Variants in AGBL4 observed in about 807,000 individuals in gnomAD.
AGBL4 encodes the protein cytosolic carboxypeptidase 6.
A neutral mutation model predicts 66.4 loss-of-function variants in AGBL4; 58 were observed. The ratio of observed to expected loss-of-function variants is 0.87; its 90% CI spans 0.71 to 1.09. The LOEUF is 1.09. AGBL4 is among the 50% of genes least tolerant of loss of function. The pLI, the probability that AGBL4 is intolerant of heterozygous loss-of-function variation, is 0.00. For missense variants in AGBL4, 579 were observed against 631.0 expected (o/e 0.92, Z 0.88); for synonymous variants, 234 against 222.9 (o/e 1.05, Z -0.44).
chr1:49,245,357 T>C (rs1304788450), intron 4 of AGBL4, among the ~76,000 whole-genome samples: 1 of 150,150 alleles, frequency 6.7e-6, no homozygotes, highest in Admixed American at 6.7e-5. Flanking sequence ...AATGTCCTCC[T>C]AAGTTACTAA....
chr1:48,592,776 G>A (rs1195970807), intron 9 of AGBL4, among the ~76,000 whole-genome samples: 1 of 152,062 alleles, frequency 6.6e-6, no homozygotes, highest in Non-Finnish European at 1.5e-5. Flanking sequence ...GCTCTGAGTG[G>A]GGAGGTTGCT....
intron 3 of AGBL4, among the ~76,000 whole-genome samples, chr1:49,438,036 G>A (rs1179376136): frequency 1.3e-5 from 2 of 152,062 alleles, no homozygotes; most frequent in African/African-American, 4.8e-5. Flanking sequence ...AAGGCTAAAC[G>A]ACTTGTCCCA....
intron 5 of AGBL4, among the ~76,000 whole-genome samples, chr1:48,938,124 T>C (rs1655633856): frequency 6.6e-6 from 1 of 152,240 alleles, no homozygotes; most frequent in Non-Finnish European, 1.5e-5. Context: ...AGTATTGCTT[T>C]CCCTTCTCTG....
chr1:48,933,111 T>A (rs1266973003), intron 5 of AGBL4, among the ~76,000 whole-genome samples: 1 of 152,204 alleles, frequency 6.6e-6, no homozygotes, highest in Non-Finnish European at 1.5e-5. Flanking sequence ...GACTCAGTTC[T>A]CCTTTCTATA....
chr1:49,708,601 G>A (rs576097225), intron 2 of AGBL4, among the ~76,000 whole-genome samples: 25 of 152,108 alleles, frequency 1.6e-4, no homozygotes, highest in Middle Eastern at 3.4e-3. Context: ...CCTTGCTGGC[G>A]AGGAGTTGTG....
chr1:48,851,721 G>T (rs1247418908), intron 6 of AGBL4, among the ~76,000 whole-genome samples: 1 of 152,138 alleles, frequency 6.6e-6, no homozygotes, highest in East Asian at 1.9e-4. Context: ...AGCCATCAAA[G>T]AACGGACTTC....
chr1:49,265,849 G>A (rs1643908027), intron 3 of AGBL4, among the ~76,000 whole-genome samples: 1 of 152,020 alleles, frequency 6.6e-6, no homozygotes, highest in Non-Finnish European at 1.5e-5. Context: ...AGACACATAT[G>A]TATACATATA....
intron 6 of AGBL4, among the ~76,000 whole-genome samples, chr1:48,839,061 A>T (rs1646743295): frequency 6.6e-6 from 1 of 152,174 alleles, no homozygotes. Flanking sequence ...AAGGGGAATG[A>T]TCATACACTG....
chr1:48,978,543 C>G (rs1659515094), intron 5 of AGBL4, among the ~76,000 whole-genome samples: 1 of 152,136 alleles, frequency 6.6e-6, no homozygotes. Flanking sequence ...GAATCCAATG[C>G]TGCAGAGTCC....
intron 2 of AGBL4, among the ~76,000 whole-genome samples, chr1:49,770,693 C>G (rs1350207366): frequency 6.6e-6 from 1 of 152,024 alleles, no homozygotes; most frequent in African/African-American, 2.4e-5. Context: ...AATTTACTCA[C>G]TTATTGTTCT....
At chr1:49,760,117 C>T (rs1194912554) in intron 2 of AGBL4, among the ~76,000 whole-genome samples, 2 of 124,642 alleles carry the variant, frequency 1.6e-5, no homozygotes, top group East Asian at 2.1e-4. Context: ...GAAAATTGTT[C>T]GTATCCTTTG....
At chr1:48,837,793 TAGAG>T (rs1646719305) in intron 6 of AGBL4, among the ~76,000 whole-genome samples, 3 of 114,488 alleles carry the variant, frequency 2.6e-5, no homozygotes, top group Admixed American at 1.8e-4. Flanking sequence ...GTGAGTGTGA[TAGAG>T]AGAGTGGTAT....
chr1:49,031,118 C>T (rs1664189602), intron 5 of AGBL4, among the ~76,000 whole-genome samples: 1 of 151,900 alleles, frequency 6.6e-6, no homozygotes, highest in African/African-American at 2.4e-5. Flanking sequence ...GAAACAGTTT[C>T]ACTTTGTCAC....
intron 3 of AGBL4, among the ~76,000 whole-genome samples, chr1:49,324,481 G>A (rs1042574797): frequency 6.6e-6 from 1 of 152,180 alleles, no homozygotes; most frequent in African/African-American, 2.4e-5. Flanking sequence ...AATATCAGAG[G>A]GAGAAAGATG....
At chr1:48,612,939 G>A (rs1645261518) in intron 9 of AGBL4, among the ~76,000 whole-genome samples, 1 of 152,164 alleles carries the variant, frequency 6.6e-6, no homozygotes, top group Non-Finnish European at 1.5e-5. Flanking sequence ...TTCAAGACCA[G>A]CCTGACCAAC....
intron 4 of AGBL4, among the ~76,000 whole-genome samples, chr1:49,204,160 G>T (rs1023519802): frequency 3.3e-5 from 5 of 152,170 alleles, no homozygotes; most frequent in African/African-American, 1.2e-4. Context: ...ACTGTATGCA[G>T]TTTACTGTTG....
chr1:48,848,585 G>T (rs1646968805), intron 6 of AGBL4, among the ~76,000 whole-genome samples: 1 of 151,892 alleles, frequency 6.6e-6, no homozygotes, highest in South Asian at 2.1e-4. Flanking sequence ...TTTTCCGAAA[G>T]AAATGAAAGG....
chr1:49,120,036 A>G (rs1052369102), intron 4 of AGBL4, among the ~76,000 whole-genome samples: 1 of 151,982 alleles, frequency 6.6e-6, no homozygotes, highest in African/African-American at 2.4e-5. Context: ...TGCTTGGTAG[A>G]TCTTTCTCCA....
intron 3 of AGBL4, among the ~76,000 whole-genome samples, chr1:49,333,971 T>A (rs908720187): frequency 6.6e-6 from 1 of 152,192 alleles, no homozygotes; most frequent in African/African-American, 2.4e-5. Flanking sequence ...GCTCCTACAA[T>A]TGACCAGGTT....
Sources: gnomAD v4.1 joint callset for allele counts (sites outside exome capture counted in the v4.1 genomes callset) on GRCh38, gnomAD v4.1.1 for gene constraint, MANE v1.5 for transcripts, NCBI Gene and HGNC (gene_info 2026-07-23, HGNC 2026-07-21) for gene names.